Variants in MYOF observed in about 807,000 individuals in gnomAD.
The protein encoded by MYOF is fer-1-like 3, myoferlin.
A neutral mutation model predicts 284.2 loss-of-function variants in MYOF; 244 were observed. That is an observed-to-expected ratio of 0.86 (90% CI 0.77 to 0.95). The LOEUF is 0.95. MYOF is among the 40% of genes least tolerant of loss of function. MYOF has a pLI of 0.00. For synonymous variants in MYOF, 904 were observed against 919.7 expected (o/e 0.98, Z 0.31); for missense variants, 2,496 against 2,560.6 (o/e 0.97, Z 0.54).
chr10:93,323,284 G>C lies in MYOF; in HGVS notation c.5346C>G (p.Pro1782=), dbSNP rs1842914673. The change falls in exon 47 of 54, where the codon CCC becomes CCG. Residue 1782 remains proline (P), a synonymous_variant. Coordinates refer to ENST00000359263, the MANE Select transcript of MYOF (RefSeq NM_013451.4). ...GPPGPPFNIT[P]RKAKKYYLRV... ...GACTGACTTACTTCTTGGCTTTCCG[G>C]GGTGTGATGTTGAAAGGAGGGCCTG... 6.2e-7 allele frequency: 1 copy of C among 1,614,006 alleles called. No individual in the cohort carries two copies. The highest frequency in any genetic ancestry group is 1.7e-5 in the Admixed American group (1 of 60,002).
At chr10:93,323,563 C>A in intron 46 of MYOF, 1 of 567,568 alleles carries the variant, frequency 1.8e-6, no homozygotes, top group Non-Finnish European at 3.1e-6. Flanking sequence ...ACTTTCCATT[C>A]TCACTCAGGG....
Position 93,482,146 on chromosome 10 carries a change from A to C in MYOF, c.49T>G (p.Phe17Val). ...GAAACAATAGGATCCGGCTTGCCAA[A>C]TTTCGTTTTAGGGATATTGCTGGCA... Reference protein sequence around the residue: ...ESASNIPKTKFGKPDPIVSVI... With the variant: ...ESASNIPKTKVGKPDPIVSVI... The change falls in exon 1 of 54, where the codon TTT becomes GTT. Residue 17 changes from phenylalanine to valine, a missense_variant. Transcript: ENST00000359263. 6.2e-7 allele frequency: 1 copy of C among 1,614,194 alleles called. No individual in the cohort carries two copies. Among genetic ancestry groups the C allele is most frequent in the Non-Finnish European group, 8.5e-7 (1 of 1,180,036 alleles).
chr10:93,355,510 T>C (rs1844753607), intron 31 of MYOF, 118 bp downstream of exon 31: 4 of 665,386 alleles, frequency 6.0e-6, no homozygotes, highest in African/African-American at 1.8e-5. Context: ...TGCTTGAACC[T>C]GGGAGGTTGC....
At chr10:93,397,099 G>T in intron 15 of MYOF, 148 bp downstream of exon 15, 4 of 616,266 alleles carry the variant, frequency 6.5e-6, no homozygotes, top group Admixed American at 3.7e-5. Context: ...ATTAAATTTT[G>T]TTTTAAGAAA....
At chr10:93,310,777 C>T in intron 51 of MYOF, 134 bp from the exon 52 acceptor site, 1 of 790,096 alleles carries the variant, frequency 1.3e-6, no homozygotes, top group Middle Eastern at 2.6e-4. Flanking sequence ...CAGTTTTCCT[C>T]AAGAGATTTC....
At chr10:93,349,724 ACT>A (rs1467463566) in intron 36 of MYOF, 82 bp downstream of exon 36, 8 of 1,468,414 alleles carry the variant, frequency 5.4e-6, no homozygotes, top group Non-Finnish European at 2.7e-6. Flanking sequence ...TTGGAAATAA[ACT>A]CTGTGTTTGT....
chr10:93,344,314 A>T (rs562144747), intron 37 of MYOF, among the ~76,000 whole-genome samples: 6 of 152,154 alleles, frequency 3.9e-5, no homozygotes, highest in Non-Finnish European at 8.8e-5. Context: ...TTTTGGTTAC[A>T]TGGATGAATT....
chr10:93,451,628 T>C (rs1410968609), intron 3 of MYOF, among the ~76,000 whole-genome samples: 1 of 151,962 alleles, frequency 6.6e-6, no homozygotes, highest in African/African-American at 2.4e-5. Context: ...GACATTAACA[T>C]GGAAATGGGG....
intron 51 of MYOF, 45 bp from the exon 52 acceptor site, chr10:93,310,688 C>T: frequency 1.3e-6 from 2 of 1,568,118 alleles, no homozygotes; most frequent in Non-Finnish European, 1.8e-6. Flanking sequence ...TCATGTTTCA[C>T]AAATATTTTT....
chr10:93,312,917 A>T, intron 51 of MYOF, 103 bp downstream of exon 51: 2 of 1,243,862 alleles, frequency 1.6e-6, no homozygotes, highest in Non-Finnish European at 2.2e-6. Flanking sequence ...CCACCAATTT[A>T]AAACTTCCTC....
intron 20 of MYOF, 142 bp downstream of exon 20, chr10:93,381,077 C>T: frequency 1.1e-6 from 1 of 945,434 alleles, no homozygotes; most frequent in Non-Finnish European, 1.6e-6. Flanking sequence ...CCCAACCACA[C>T]TCTCTTCCTC....
Position 93,306,605 on chromosome 10 carries a change from G to T in MYOF, c.*358C>A. 4.1e-6 allele frequency: 1 copy of T among 241,814 alleles called. No individual in the cohort carries two copies. Among genetic ancestry groups the T allele is most frequent in the South Asian group, 7.4e-5 (1 of 13,492 alleles). 15.0% of individuals were successfully genotyped at this position (241,814 alleles called of 1,614,324 possible). A position where few individuals can be genotyped will look rare whatever the true frequency, so the allele number is the denominator to read the frequency against. On this transcript the variant is annotated 3_prime_UTR_variant, in exon 54 of 54. Coordinates refer to ENST00000359263, the MANE Select transcript of MYOF (RefSeq NM_013451.4). Reference sequence around the variant, plus strand: ...ACAAATATGAAGTATATCACCTCAGGATGCAGAGATTTTTGAATTCTATTT... The same window carrying T: ...ACAAATATGAAGTATATCACCTCAGTATGCAGAGATTTTTGAATTCTATTT...
chr10:93,426,912 G>T (rs1848615194), intron 4 of MYOF, among the ~76,000 whole-genome samples: 1 of 115,714 alleles, frequency 8.6e-6, no homozygotes, highest in Non-Finnish European at 1.8e-5. Context: ...TTTTGAGACA[G>T]AGTCTCACTC....
At chr10:93,414,875 C>T (rs1848051314) in intron 5 of MYOF, among the ~76,000 whole-genome samples, 1 of 152,060 alleles carries the variant, frequency 6.6e-6, no homozygotes, top group Non-Finnish European at 1.5e-5. Context: ...TCCTGAGTAG[C>T]TGGGATTACA....
chr10:93,313,974 C>G (rs1842502797), intron 50 of MYOF, among the ~76,000 whole-genome samples: 1 of 152,144 alleles, frequency 6.6e-6, no homozygotes, highest in African/African-American at 2.4e-5. Flanking sequence ...CTAGTAAAAC[C>G]TCAGAAACAG....
At chr10:93,402,805 AG>A in intron 10 of MYOF, 54 bp downstream of exon 10, 1 of 1,473,050 alleles carries the variant, frequency 6.8e-7, no homozygotes, top group Non-Finnish European at 9.4e-7. Flanking sequence ...AATCATCTTC[AG>A]AGTTAGAAGG....
intron 1 of MYOF, among the ~76,000 whole-genome samples, chr10:93,472,861 C>T (rs1428890748): frequency 6.6e-6 from 1 of 152,110 alleles, no homozygotes; most frequent in Non-Finnish European, 1.5e-5. Context: ...TCTGTATGTC[C>T]CTGCAGCAAT....
chr10:93,308,153 G>A (rs1351504800), intron 53 of MYOF, among the ~76,000 whole-genome samples: 1 of 151,378 alleles, frequency 6.6e-6, no homozygotes, highest in East Asian at 2.0e-4. Flanking sequence ...TGAGGCTGGA[G>A]AATCGCTTGA....
At chr10:93,355,959 C>T (rs1159162099) in intron 30 of MYOF, among the ~76,000 whole-genome samples, 1 of 152,170 alleles carries the variant, frequency 6.6e-6, no homozygotes, top group Admixed American at 6.5e-5. Flanking sequence ...GGAGCCAGCC[C>T]TCCTACCTCC....
Sources: gnomAD v4.1 joint callset for allele counts (sites outside exome capture counted in the v4.1 genomes callset) on GRCh38, gnomAD v4.1.1 for gene constraint, MANE v1.5 for transcripts, NCBI Gene and HGNC (gene_info 2026-07-23, HGNC 2026-07-21) for gene names.